Variants in EPHA6 observed in about 807,000 individuals in gnomAD.
EPHA6 encodes the protein EPH receptor A6, also known as ephrin type-A receptor 6.
EPHA6 carries 50 observed loss-of-function variants against 112.0 expected under a neutral mutation model. The ratio of observed to expected loss-of-function variants is 0.45; its 90% CI spans 0.36 to 0.56. EPHA6 has a LOEUF of 0.56. Ranked by LOEUF, EPHA6 falls within the 20% of genes least tolerant of loss-of-function variation. The pLI, the probability that EPHA6 is intolerant of heterozygous loss-of-function variation, is 0.00. For synonymous variants in EPHA6, 529 were observed against 490.7 expected, an observed-to-expected ratio of 1.08 and a Z score of -1.03; for missense variants, 1,280 against 1,417.4, an observed-to-expected ratio of 0.90 and a Z score of 1.56.
intron 3 of EPHA6, among the ~76,000 whole-genome samples, chr3:97,015,923 AG>A (rs1480856364): frequency 6.6e-6 from 1 of 152,136 alleles, no homozygotes; most frequent in Non-Finnish European, 1.5e-5. Context: ...AAGGAAAATC[AG>A]TGTTTTTACA....
intron 1 of EPHA6, among the ~76,000 whole-genome samples, chr3:96,829,767 A>T (rs1303797100): frequency 6.6e-6 from 1 of 152,028 alleles, no homozygotes; most frequent in Non-Finnish European, 1.5e-5. Flanking sequence ...TTCTGTATTA[A>T]ATGCTGATGA....
At chr3:96,929,266 A>G (rs780723787) in intron 2 of EPHA6, among the ~76,000 whole-genome samples, 1 of 152,206 alleles carries the variant, frequency 6.6e-6, no homozygotes, top group African/African-American at 2.4e-5. Context: ...TGGATTCAAT[A>G]CTGCCATCAT....
At chr3:97,190,120 A>G (rs191898633) in intron 3 of EPHA6, among the ~76,000 whole-genome samples, 49 of 152,278 alleles carry the variant, frequency 3.2e-4, no homozygotes, top group Admixed American at 1.9e-3. Context: ...TGGGTAATCC[A>G]AATATCCATA....
At chr3:97,337,040 C>T (rs1190423156) in intron 5 of EPHA6, among the ~76,000 whole-genome samples, 1 of 151,950 alleles carries the variant, frequency 6.6e-6, no homozygotes, top group Non-Finnish European at 1.5e-5. Context: ...GTTCTCTCTA[C>T]ATCTCATATA....
chr3:96,958,965 G>A lies in EPHA6; in HGVS notation c.451-28365G>A, dbSNP rs552685296. 8.5e-5 allele frequency among the ~76,000 whole-genome samples: 13 copies of A among 152,276 alleles called. No homozygotes were observed. The South Asian group carries it at 2.5e-3, about 29-fold the overall frequency. ...TTTTTCTAGTATGAGTAATGCCGCTGTGAACATTCATGTACAAGTTTTTGT... is the reference window on the plus strand; with the variant it reads ...TTTTTCTAGTATGAGTAATGCCGCTATGAACATTCATGTACAAGTTTTTGT... On this transcript the variant is annotated intron_variant, in intron 2 of 17. Coordinates refer to ENST00000389672, the MANE Select transcript of EPHA6 (RefSeq NM_001080448.3).
intron 5 of EPHA6, among the ~76,000 whole-genome samples, chr3:97,344,914 A>T (rs561853412): frequency 2.6e-5 from 4 of 152,260 alleles, no homozygotes; most frequent in Admixed American, 2.6e-4. Context: ...GAAATGAAGG[A>T]ACAAAAGAAG....
At chr3:97,455,069 T>C (rs1182174657) in intron 7 of EPHA6, among the ~76,000 whole-genome samples, 1 of 151,948 alleles carries the variant, frequency 6.6e-6, no homozygotes, top group Non-Finnish European at 1.5e-5. Flanking sequence ...AGCAGTTAGG[T>C]TGTCTGAATA....
rs111765976 is a variant in EPHA6, at chr3:96,972,640, T to C, written c.451-14690T>C. 5.1e-3 allele frequency among the ~76,000 whole-genome samples: 772 copies of C among 152,256 alleles called. 7 individuals carry two copies. Among genetic ancestry groups the C allele is most frequent in the African/African-American group, 0.017 (701 of 41,542 alleles). On this transcript the variant is annotated intron_variant, in intron 2 of 17. Coordinates refer to ENST00000389672, the MANE Select transcript of EPHA6 (RefSeq NM_001080448.3). ...TGCAGCTGTTTAAGGTCCTAAGGCA[T>C]CTAGGGTGTGACTTCCCTCTCCCTT...
intron 11 of EPHA6, among the ~76,000 whole-genome samples, chr3:97,570,255 G>A (rs1443916146): frequency 1.3e-5 from 2 of 152,118 alleles, no homozygotes; most frequent in Non-Finnish European, 2.9e-5. Flanking sequence ...GACATGAGTT[G>A]GGATTCAGAA....
chr3:97,540,501 T>C (rs2092833902), intron 11 of EPHA6, among the ~76,000 whole-genome samples: 1 of 152,212 alleles, frequency 6.6e-6, no homozygotes, highest in Non-Finnish European at 1.5e-5. Context: ...GAATAATTTA[T>C]TGGTTGTCCT....
At chr3:97,185,859 T>C (rs2077114823) in intron 3 of EPHA6, among the ~76,000 whole-genome samples, 1 of 152,036 alleles carries the variant, frequency 6.6e-6, no homozygotes, top group Non-Finnish European at 1.5e-5. Flanking sequence ...GTGGCACATA[T>C]ACACCATGGA....
In EPHA6 at chr3:97,483,885, C is replaced by A. The variant is rs745763702; in HGVS notation, c.2075-49C>A. ...GTTTTAAATGTTCACAAGATATAGA[C>A]CACTGAGATACTCAAACTAAATCAA... On this transcript the variant is annotated intron_variant, in intron 9 of 17. Transcript: ENST00000389672. 1.9e-6 allele frequency: 3 copies of A among 1,552,066 alleles called. No individual in the cohort carries two copies. The South Asian group carries it at 3.8e-5, about 20-fold the overall frequency.
At chr3:97,380,299 T>C (rs1044542653) in intron 5 of EPHA6, among the ~76,000 whole-genome samples, 20 of 152,196 alleles carry the variant, frequency 1.3e-4, no homozygotes, top group African/African-American at 4.1e-4. Context: ...AAAGAAAAGA[T>C]AATCAGATCT....
intron 10 of EPHA6, among the ~76,000 whole-genome samples, chr3:97,520,787 A>G (rs1180453969): frequency 1.3e-5 from 2 of 152,210 alleles, no homozygotes; most frequent in Admixed American, 6.5e-5. Context: ...ATTTCATTAC[A>G]TAGTTTTCTC....
At chr3:97,665,200 C>G (rs1051506018) in intron 14 of EPHA6, among the ~76,000 whole-genome samples, 1 of 152,030 alleles carries the variant, frequency 6.6e-6, no homozygotes, top group Non-Finnish European at 1.5e-5. Context: ...ACAAACCTGA[C>G]AAAAACAAGA....
chr3:97,667,188 C>T (rs996769219), intron 14 of EPHA6, among the ~76,000 whole-genome samples: 2 of 152,116 alleles, frequency 1.3e-5, no homozygotes, highest in African/African-American at 2.4e-5. Flanking sequence ...TTAATCAGAA[C>T]CATCATATCT....
intron 10 of EPHA6, 103 bp from the exon 11 acceptor site, chr3:97,532,253 TAA>T (rs2092703857): frequency 1.1e-6 from 1 of 948,412 alleles, no homozygotes; most frequent in Admixed American, 2.6e-5. Context: ...ATAACATACT[TAA>T]GAGTCATTAT....
intron 2 of EPHA6, among the ~76,000 whole-genome samples, chr3:96,894,668 A>G (rs1442271823): frequency 1.3e-5 from 2 of 152,206 alleles, no homozygotes; most frequent in African/African-American, 2.4e-5. Flanking sequence ...GAGAATGTAT[A>G]TGATGCAAAC....
intron 14 of EPHA6, among the ~76,000 whole-genome samples, chr3:97,719,861 G>T (rs1014275748): frequency 2.0e-5 from 3 of 152,268 alleles, no homozygotes; most frequent in African/African-American, 7.2e-5. Flanking sequence ...CTTCAATTAA[G>T]TTAGAGATTA....
Sources: gnomAD v4.1 joint callset for allele counts (sites outside exome capture counted in the v4.1 genomes callset) on GRCh38, gnomAD v4.1.1 for gene constraint, MANE v1.5 for transcripts, NCBI Gene and HGNC (gene_info 2026-07-23, HGNC 2026-07-21) for gene names.